The following SRGAP1 variants were observed in gnomAD, a reference collection of about 807,000 sequenced individuals.
SRGAP1 encodes SLIT-ROBO Rho GTPase-activating protein 1.
A neutral mutation model predicts 121.9 loss-of-function variants in SRGAP1; 43 were observed. That is an observed-to-expected ratio of 0.35 (90% CI 0.28 to 0.46). The LOEUF (loss-of-function observed/expected upper bound fraction) is 0.46, where lower values mean the gene tolerates loss of function less well. Ranked by LOEUF, SRGAP1 falls within the 20% of genes least tolerant of loss-of-function variation. SRGAP1 has a pLI of 1.00. For synonymous variants in SRGAP1, 447 were observed against 485.4 expected, an observed-to-expected ratio of 0.92 and a Z score of 1.04; for missense variants, 1,102 against 1,350.9, an observed-to-expected ratio of 0.82 and a Z score of 2.89.
chr12:64,052,157 A>G (rs950768493), intron 6 of SRGAP1, among the ~76,000 whole-genome samples: 1 of 152,180 alleles, frequency 6.6e-6, no homozygotes, highest in Admixed American at 6.6e-5. Context: ...CAAGGGTTGG[A>G]CACTTGTGGG....
At chr12:63,991,733 A>G (rs1242549701) in intron 3 of SRGAP1, among the ~76,000 whole-genome samples, 26 of 152,222 alleles carry the variant, frequency 1.7e-4, no homozygotes, top group Non-Finnish European at 1.5e-5. Context: ...CTGGTGCTCA[A>G]GGAGGTCACA....
chr12:64,083,140 A>G (rs1185070273), intron 10 of SRGAP1, among the ~76,000 whole-genome samples: 1 of 152,216 alleles, frequency 6.6e-6, no homozygotes, highest in African/African-American at 2.4e-5. Flanking sequence ...AATGGCGCCC[A>G]TCACATAGTG....
chr12:64,098,683 AAAAT>A (rs1565680437), intron 15 of SRGAP1, among the ~76,000 whole-genome samples: 8 of 144,916 alleles, frequency 5.5e-5, no homozygotes, highest in Admixed American at 6.7e-5. Context: ...AAAAAATAAA[AAAAT>A]AAAAAAGCTA....
intron 1 of SRGAP1, among the ~76,000 whole-genome samples, chr12:63,951,060 T>C (rs2032274457): frequency 6.6e-6 from 1 of 151,524 alleles, no homozygotes; most frequent in Admixed American, 6.6e-5. Context: ...TTCGTATCCT[T>C]ACTTTATCTC....
Position 64,148,342 on chromosome 12 carries a change from T to G in SRGAP1, c.*5670T>G, listed in dbSNP as rs1455858496. 6.7e-6 allele frequency: 1 copy of G among 149,444 alleles called. No individual in the cohort carries two copies. Among genetic ancestry groups the G allele is most frequent in the Non-Finnish European group, 1.5e-5 (1 of 67,574 alleles). 9.3% of individuals were successfully genotyped at this position (149,444 alleles called of 1,614,324 possible). On this transcript the variant is annotated 3_prime_UTR_variant, in exon 22 of 22. Transcript: ENST00000355086. ...TGTCACCCAGGCTGTAGTGCAGTGG[T>G]GCAATCTCAGCTCACTGCAACCTCC...
At chr12:63,982,738 T>A (rs1281288593) in intron 1 of SRGAP1, 1 of 152,208 alleles carries the variant, frequency 6.6e-6, no homozygotes, top group Non-Finnish European at 1.5e-5. Context: ...TCCAGCATGA[T>A]GTTCTTGTCT....
chr12:64,017,463 T>C (rs1267350132), intron 4 of SRGAP1, among the ~76,000 whole-genome samples: 1 of 152,118 alleles, frequency 6.6e-6, no homozygotes, highest in East Asian at 1.9e-4. Flanking sequence ...GAGACCAGCC[T>C]GGCCAATGTG....
intron 1 of SRGAP1, among the ~76,000 whole-genome samples, chr12:63,851,837 G>A (rs1899085645): frequency 2.0e-5 from 3 of 152,028 alleles, no homozygotes. Context: ...CAAGTGCTGG[G>A]ATTACAGGTG....
intron 21 of SRGAP1, 29 bp from the exon 22 acceptor site, chr12:64,142,266 T>A (rs758201796): frequency 6.2e-7 from 1 of 1,602,718 alleles, no homozygotes; most frequent in South Asian, 1.1e-5. Flanking sequence ...CAGTCTGTGC[T>A]TTCTCTCTTT....
intron 1 of SRGAP1, among the ~76,000 whole-genome samples, chr12:63,934,973 C>G (rs553361662): frequency 7.9e-5 from 12 of 152,092 alleles, no homozygotes; most frequent in Non-Finnish European, 1.8e-4. Flanking sequence ...AAGATGGTGG[C>G]GAGAATCAGA....
chr12:63,882,819 G>A (rs1411089991), intron 1 of SRGAP1, among the ~76,000 whole-genome samples: 1 of 152,118 alleles, frequency 6.6e-6, no homozygotes, highest in Admixed American at 6.5e-5. Flanking sequence ...TTTATGTTTA[G>A]GTACCCAACC....
intron 1 of SRGAP1, among the ~76,000 whole-genome samples, chr12:63,933,290 T>C (rs2136340881): frequency 6.6e-6 from 1 of 152,246 alleles, no homozygotes; most frequent in Middle Eastern, 3.4e-3. Flanking sequence ...GTTTTGCCAT[T>C]CTTGGGAGAG....
intron 10 of SRGAP1, chr12:64,082,035 A>T (rs951448402): frequency 2.6e-5 from 1 of 38,950 alleles, no homozygotes; most frequent in African/African-American, 1.3e-4. Flanking sequence ...ATTTTTCACA[A>T]ATGCCTGATA....
intron 3 of SRGAP1, among the ~76,000 whole-genome samples, chr12:63,999,026 G>T (rs1251009869): frequency 6.6e-6 from 1 of 152,118 alleles, no homozygotes; most frequent in African/African-American, 2.4e-5. Context: ...TGTACAGTAA[G>T]GGGAGAAGCC....
intron 1 of SRGAP1, among the ~76,000 whole-genome samples, chr12:63,895,858 T>C (rs918352222): frequency 2.0e-5 from 3 of 152,224 alleles, no homozygotes; most frequent in Non-Finnish European, 4.4e-5. Flanking sequence ...GAATAGTGTC[T>C]CAAATTCTTT....
At chr12:64,104,580 A>G (rs1349498617) in intron 15 of SRGAP1, among the ~76,000 whole-genome samples, 1 of 152,202 alleles carries the variant, frequency 6.6e-6, no homozygotes, top group Non-Finnish European at 1.5e-5. Flanking sequence ...AGGACAGTAA[A>G]TGAGTCATTT....
intron 15 of SRGAP1, among the ~76,000 whole-genome samples, chr12:64,103,155 T>C (rs1424552588): frequency 2.6e-5 from 4 of 152,012 alleles, no homozygotes; most frequent in African/African-American, 9.7e-5. Context: ...AATTTTTGTA[T>C]TTTTTTGGTA....
At chr12:64,016,597 C>CA (rs2034408554) in intron 3 of SRGAP1, among the ~76,000 whole-genome samples, 1 of 152,222 alleles carries the variant, frequency 6.6e-6, no homozygotes, top group African/African-American at 2.4e-5. Context: ...TTTTGGGAAT[C>CA]ACACTGTAAA....
chr12:63,964,811 A>G (rs529279092), intron 1 of SRGAP1, among the ~76,000 whole-genome samples: 21 of 152,306 alleles, frequency 1.4e-4, no homozygotes, highest in African/African-American at 4.8e-4. Flanking sequence ...TTAAGGCCCA[A>G]TTCCCTGTTC....
Sources: allele counts gnomAD v4.1 joint callset (sites outside exome capture counted in the v4.1 genomes callset), GRCh38; gene constraint gnomAD v4.1.1; transcripts MANE v1.5; gene names NCBI Gene and HGNC (gene_info 2026-07-23, HGNC 2026-07-21).